The following CARD10 variants were observed in gnomAD, a reference collection of about 807,000 sequenced individuals.
CARD10 encodes the protein caspase recruitment domain family member 10, also known as caspase recruitment domain-containing protein 10.
Under a neutral mutation model 114.6 loss-of-function variants are expected in CARD10, and 49 were observed. The ratio of observed to expected loss-of-function variants is 0.43; its 90% CI spans 0.34 to 0.54. The LOEUF is 0.54. Ranked by LOEUF, CARD10 falls within the 20% of genes least tolerant of loss-of-function variation. The probability of loss-of-function intolerance (pLI) is 0.03; values close to 1 mark genes in which losing one functional copy is unlikely to be tolerated. For missense variants in CARD10, 1,206 were observed against 1,397.2 expected, an observed-to-expected ratio of 0.86 and a Z score of 2.18; for synonymous variants, 602 against 593.2, an observed-to-expected ratio of 1.01 and a Z score of -0.21.
At chr22:37,507,805 C>G in intron 6 of CARD10, 24 bp downstream of exon 6, 1 of 1,613,992 alleles carries the variant, frequency 6.2e-7, no homozygotes. Flanking sequence ...GGCCCAGGGC[C>G]TCGTACACGC....
At chr22:37,511,972 T>G (rs765032274) in intron 3 of CARD10, 4 of 152,280 alleles carry the variant, frequency 2.6e-5, no homozygotes, top group Non-Finnish European at 5.9e-5. Context: ...GTCAATCCCC[T>G]GGCCCCATCA....
chr22:37,515,940 C>A (rs1923829595), intron 3 of CARD10, 33 bp downstream of exon 3: 2 of 1,509,670 alleles, frequency 1.3e-6, no homozygotes, highest in African/African-American at 2.8e-5. Flanking sequence ...TGCCCCTTCC[C>A]TTGCCTCCCC....
chr22:37,509,006 A>G, intron 4 of CARD10: 3 of 1,549,818 alleles, frequency 1.9e-6, no homozygotes, highest in Non-Finnish European at 2.6e-6. Context: ...GCCCTCACCC[A>G]CCATCCAGGG....
At chr22:37,493,451 C>G (rs991009871) in intron 16 of CARD10, among the ~76,000 whole-genome samples, 3 of 152,186 alleles carry the variant, frequency 2.0e-5, no homozygotes, top group Non-Finnish European at 4.4e-5. Context: ...AATTAGACAG[C>G]AAGCTCCATG....
chr22:37,495,160 G>C (rs999288294), intron 15 of CARD10, among the ~76,000 whole-genome samples: 7 of 152,100 alleles, frequency 4.6e-5, no homozygotes, highest in Non-Finnish European at 1.0e-4. Flanking sequence ...TAGAGACGGG[G>C]TTTCACCGTG....
At chr22:37,517,741 GAAGA>G (rs1037883081) in intron 2 of CARD10, among the ~76,000 whole-genome samples, 47 of 152,218 alleles carry the variant, frequency 3.1e-4, no homozygotes, top group African/African-American at 9.6e-4. Context: ...ACAGTATCAC[GAAGA>G]AAGAGCCATC....
intron 1 of CARD10, 29 bp downstream of exon 1, chr22:37,518,937 T>G: frequency 6.7e-7 from 1 of 1,503,136 alleles, no homozygotes; most frequent in Non-Finnish European, 8.9e-7. Context: ...CCGGCCCAGG[T>G]CGTGGCCCAC....
chr22:37,498,357 A>C (rs1034295217), intron 11 of CARD10, among the ~76,000 whole-genome samples: 1 of 152,160 alleles, frequency 6.6e-6, no homozygotes, highest in Admixed American at 6.6e-5. Context: ...CCTGGATGAG[A>C]AAAGGTGAGG....
chr22:37,518,129 G>A (rs1301190462), intron 1 of CARD10, 21 bp from the exon 2 acceptor site: 2 of 1,608,470 alleles, frequency 1.2e-6, no homozygotes, highest in Admixed American at 1.7e-5. Context: ...GTGGGGGGAT[G>A]TACCCAGGGT....
rs563894092 is a variant in CARD10 at position 37,507,065 on chromosome 22, G to A, written c.1192-682C>T. 1.0e-3 allele frequency among the ~76,000 whole-genome samples: 155 copies of A among 152,256 alleles called. 2 individuals carry two copies. The highest frequency in any genetic ancestry group is 3.7e-3 in the African/African-American group (154 of 41,534). On this transcript the variant is annotated intron_variant, in intron 6 of 19. Transcript: ENST00000251973. ...AGGCTGAGGCAGGTGGATCAGTTGA[G>A]CCCAGGAGTTCAAGACCAGCCTGGT...
rs944422877 is a variant in CARD10, at chr22:37,519,364, G to C, written c.-164C>G. 4 of 1,231,126 alleles carry C rather than the reference G, an allele frequency of 3.2e-6. No homozygotes were observed. The highest frequency in any genetic ancestry group is 4.3e-5 in the Admixed American group (1 of 23,346). The allele number at this position is 1,231,126 out of a possible 1,614,324, so 76.3% of individuals were successfully genotyped here. A position where few individuals can be genotyped will look rare whatever the true frequency, so the allele number is the denominator to read the frequency against. ...TCACCCCGCACGCTACAGTCGCCTC[G>C]GGCTCCCGGGTCCGCACTCGGGCGG... On this transcript the variant is annotated 5_prime_UTR_variant, in exon 1 of 20. Transcript: ENST00000251973. This position sits in a 1 kb window ranked among gnomAD's most constrained non-coding sequence, Gnocchi z 4.1.
In CARD10 at chr22:37,503,963, C is replaced by T; in HGVS notation, c.1634+223G>A. ...GTGACCCTCCTGCCAGGATGCTTGG[C>T]TAGGACTGAGTTCGCTCTGCCCATC... On this transcript the variant is annotated intron_variant, in intron 9 of 19. Transcript: ENST00000251973. The T allele has an allele frequency of 1.4e-5, 10 of 696,432 alleles. No individual in the cohort carries two copies. In the South Asian group the frequency reaches 1.5e-4, roughly 10 times the overall value. 43.1% of individuals were successfully genotyped at this position (696,432 alleles called of 1,614,324 possible).
intron 14 of CARD10, 84 bp from the exon 15 acceptor site, chr22:37,495,670 T>C: frequency 1.2e-6 from 2 of 1,609,442 alleles, no homozygotes; most frequent in South Asian, 1.1e-5. Flanking sequence ...TCCCAGAGGA[T>C]GGTGAGGGAA....
chr22:37,497,718 G>A (rs1417706007), intron 11 of CARD10, among the ~76,000 whole-genome samples: 1 of 152,034 alleles, frequency 6.6e-6, no homozygotes, highest in Non-Finnish European at 1.5e-5. Flanking sequence ...AAAAAAATTA[G>A]CCGGGCGTGG....
At chr22:37,503,081 G>T in intron 10 of CARD10, 104 bp downstream of exon 10, 1 of 1,264,302 alleles carries the variant, frequency 7.9e-7, no homozygotes, top group Non-Finnish European at 1.1e-6. Context: ...TCAGGGAAGG[G>T]GATGCAGGCC....
rs762039457 is a variant in CARD10, at chr22:37,506,353, G to A, written c.1222C>T (p.Gln408Ter). Residue 408 changes from glutamine to a stop codon, truncating the protein, a stop_gained, in exon 7 of 20, where the codon CAG (glutamine) becomes TAG (stop). Transcript: ENST00000251973. LOFTEE classifies it high-confidence loss of function. ...TTCTCGATGAGGCTCTGTGAGTACT[G>A]CAACTGGATCCGGTCACGGCTCTGG... is the stretch of plus-strand genomic sequence containing the variant. The part of the protein sequence containing the change: ...AIQSRDRIQL[Q>*]YSQSLIEKDQ... 1 of 1,597,122 alleles carries A rather than the reference G, an allele frequency of 6.3e-7. No individual in the cohort carries two copies. Among genetic ancestry groups the A allele is most frequent in the Non-Finnish European group, 8.5e-7 (1 of 1,170,202 alleles).
intron 9 of CARD10, 77 bp from the exon 10 acceptor site, chr22:37,503,290 C>G: frequency 7.2e-7 from 1 of 1,395,322 alleles, no homozygotes; most frequent in Non-Finnish European, 9.7e-7. Flanking sequence ...CCTCCTGCCC[C>G]CACACCAGAT....
intron 15 of CARD10, 102 bp downstream of exon 15, chr22:37,495,415 G>A (rs1334841904): frequency 6.0e-6 from 5 of 835,804 alleles, no homozygotes; most frequent in East Asian, 2.7e-5. Flanking sequence ...GGGAAGGAGG[G>A]AGGGAGTGTC....
At chr22:37,511,424 A>G (rs1282581231) in intron 3 of CARD10, among the ~76,000 whole-genome samples, 13 of 80,444 alleles carry the variant, frequency 1.6e-4, no homozygotes, top group South Asian at 5.5e-4. Context: ...AGGAGGAGGG[A>G]GGGGGAAGAG....
Sources: gnomAD v4.1 joint callset for allele counts (sites outside exome capture counted in the v4.1 genomes callset) on GRCh38, gnomAD v4.1.1 for gene constraint, Gnocchi (gnomAD v3.1) non-coding constraint, MANE v1.5 for transcripts, NCBI Gene and HGNC (gene_info 2026-07-23, HGNC 2026-07-21) for gene names.